The following THSD7B variants were observed in gnomAD, a reference collection of about 807,000 sequenced individuals.
THSD7B encodes thrombospondin type 1 domain containing 7B.
A neutral mutation model predicts 213.6 loss-of-function variants in THSD7B; 138 were observed. The observed-to-expected ratio is 0.65, with a 90% CI of 0.56 to 0.74. The LOEUF (loss-of-function observed/expected upper bound fraction) is 0.74, where lower values mean the gene tolerates loss of function less well. Among genes scored for constraint, THSD7B ranks in the 30% least tolerant of loss-of-function variants. The probability of loss-of-function intolerance (pLI) is 0.00; values close to 1 mark genes in which losing one functional copy is unlikely to be tolerated. For synonymous variants in THSD7B, 742 were observed against 687.0 expected (o/e 1.08, Z -1.25); for missense variants, 1,931 against 1,991.5 (o/e 0.97, Z 0.58).
chr2:137,493,066 A>T (rs922781497), intron 15 of THSD7B, among the ~76,000 whole-genome samples: 1 of 131,116 alleles, frequency 7.6e-6, no homozygotes, highest in Non-Finnish European at 1.6e-5. Flanking sequence ...GGTTGCAATG[A>T]GCCGAAATTG....
intron 15 of THSD7B, chr2:137,479,328 T>A (rs910857899): frequency 4.9e-6 from 1 of 204,002 alleles, no homozygotes; most frequent in Admixed American, 5.9e-5. Context: ...TGGTGGTGGG[T>A]TGTGCCAGGT....
intron 27 of THSD7B, among the ~76,000 whole-genome samples, chr2:137,673,974 T>C (rs888165496): frequency 6.6e-5 from 10 of 152,202 alleles, no homozygotes; most frequent in African/African-American, 2.2e-4. Context: ...TACCTATTAG[T>C]AGCCCCCGCT....
chr2:137,271,262 A>C (rs1682725857), intron 10 of THSD7B, among the ~76,000 whole-genome samples: 1 of 150,966 alleles, frequency 6.6e-6, no homozygotes, highest in African/African-American at 2.4e-5. Context: ...CCGTACTCAC[A>C]TACCTTCCTT....
At chr2:136,890,305 T>TCCTCC (rs140886201) in intron 2 of THSD7B, among the ~76,000 whole-genome samples, 318 of 30,464 alleles carry the variant, frequency 0.01, 54 homozygotes, top group African/African-American at 0.033. Flanking sequence ...GTCCTACTCC[T>TCCTCC]TCTTCTTCTT....
chr2:136,800,463 AAG>A (rs1682156051), intron 1 of THSD7B, among the ~76,000 whole-genome samples: 1 of 152,106 alleles, frequency 6.6e-6, no homozygotes, highest in East Asian at 1.9e-4. Flanking sequence ...CTTCCCCACA[AAG>A]AGAGTTGTAG....
At chr2:137,428,787 T>C (rs1382374810) in intron 14 of THSD7B, among the ~76,000 whole-genome samples, 2 of 152,194 alleles carry the variant, frequency 1.3e-5, no homozygotes, top group East Asian at 3.9e-4. Flanking sequence ...AATTTATATA[T>C]TGAAACTTAA....
chr2:136,848,028 T>C (rs1024717604), intron 1 of THSD7B, among the ~76,000 whole-genome samples: 9 of 152,172 alleles, frequency 5.9e-5, no homozygotes, highest in African/African-American at 2.2e-4. Flanking sequence ...GATCATCATA[T>C]GGAATCTGCT....
chr2:137,508,970 A>G (rs2105148742), intron 15 of THSD7B, among the ~76,000 whole-genome samples: 1 of 152,196 alleles, frequency 6.6e-6, no homozygotes, highest in African/African-American at 2.4e-5. Flanking sequence ...GCAGCGCTCC[A>G]AGAAGTTCCA....
chr2:137,232,945 G>A lies in THSD7B; in HGVS notation c.1962G>A (p.Leu654=). The A allele has an allele frequency of 1.2e-6, 2 of 1,613,972 alleles. No individual in the cohort carries two copies. The highest frequency in any genetic ancestry group is 1.7e-5 in the Admixed American group (1 of 60,026). The stretch of plus-strand genomic sequence containing the variant: ...GTCAGGCTCTCCAAGAGCATCGTTT[G>A]TGTAATGACCATTCCTGTATGCAGC... ...PPSQALQEHR[L]CNDHSCMQLH... Residue 654 remains leucine (L), a synonymous_variant, in exon 9 of 28, where the codon TTG becomes TTA. Coordinates refer to ENST00000409968, the MANE Select transcript of THSD7B (RefSeq NM_001316349.2).
At chr2:137,345,007 A>T (rs1684845492) in intron 12 of THSD7B, among the ~76,000 whole-genome samples, 1 of 151,650 alleles carries the variant, frequency 6.6e-6, no homozygotes, top group African/African-American at 2.4e-5. Context: ...TTAACTATAC[A>T]TTCAGCTACC....
chr2:137,472,057 C>T (rs969755492), intron 15 of THSD7B, among the ~76,000 whole-genome samples: 2 of 152,208 alleles, frequency 1.3e-5, no homozygotes, highest in Non-Finnish European at 2.9e-5. Context: ...CACAGGCCTA[C>T]AATCTGCAGG....
At chr2:137,114,373 T>G (rs1425802379) in intron 4 of THSD7B, among the ~76,000 whole-genome samples, 3 of 152,210 alleles carry the variant, frequency 2.0e-5, no homozygotes, top group African/African-American at 7.2e-5. Context: ...AATGTAGTAG[T>G]GTGATAGTTG....
rs551353566 is a variant in THSD7B at position 137,017,346 on chromosome 2, A to T, written c.140-39074A>T. 1.9e-4 allele frequency among the ~76,000 whole-genome samples: 29 copies of T among 151,896 alleles called. 1 individual carries two copies. In the South Asian group the frequency reaches 6.0e-3, roughly 32 times the overall value. The stretch of plus-strand genomic sequence containing the variant: ...AAGTTAATTTTGGTGGTTAGGGGAT[A>T]TAACCAATTTGGGGAAGAGATTGGA... On this transcript the variant is annotated intron_variant, in intron 2 of 27. Transcript: ENST00000409968.
chr2:136,958,795 A>AGCTCAT (rs1486027386), intron 2 of THSD7B, among the ~76,000 whole-genome samples: 1 of 152,332 alleles, frequency 6.6e-6, no homozygotes, highest in East Asian at 1.9e-4. Context: ...ACCATTGGAC[A>AGCTCAT]GCTCATGAGA....
At chr2:137,630,445 C>T (rs1290832947) in intron 20 of THSD7B, among the ~76,000 whole-genome samples, 1 of 152,214 alleles carries the variant, frequency 6.6e-6, no homozygotes, top group African/African-American at 2.4e-5. Flanking sequence ...ACTTCTTCCC[C>T]ATTCTAGCCT....
intron 12 of THSD7B, among the ~76,000 whole-genome samples, chr2:137,381,137 C>T (rs545435448): frequency 2.0e-5 from 3 of 152,296 alleles, no homozygotes; most frequent in South Asian, 2.1e-4. Flanking sequence ...CAGTCCCCAC[C>T]GATTCTGGGT....
chr2:137,212,765 G>A (rs574462152), intron 7 of THSD7B, among the ~76,000 whole-genome samples: 5 of 152,182 alleles, frequency 3.3e-5, no homozygotes, highest in African/African-American at 1.2e-4. Flanking sequence ...ATGAGGCTGA[G>A]GCTCTTTAAT....
chr2:137,014,585 G>A (rs1290714249), intron 2 of THSD7B, among the ~76,000 whole-genome samples: 1 of 152,118 alleles, frequency 6.6e-6, no homozygotes, highest in South Asian at 2.1e-4. Flanking sequence ...CTTTCATTTG[G>A]TCTATTAAAG....
At chr2:137,576,121 G>A (rs1257970474) in intron 17 of THSD7B, among the ~76,000 whole-genome samples, 1 of 151,986 alleles carries the variant, frequency 6.6e-6, no homozygotes. Context: ...ACAATATTGG[G>A]TTGCCTTCAT....
Sources: gnomAD v4.1 joint callset for allele counts (sites outside exome capture counted in the v4.1 genomes callset) on GRCh38, gnomAD v4.1.1 for gene constraint, MANE v1.5 for transcripts, NCBI Gene and HGNC (gene_info 2026-07-23, HGNC 2026-07-21) for gene names.